The following CNBD1 variants were observed in gnomAD, a reference collection of about 807,000 sequenced individuals.
CNBD1 encodes the protein cyclic nucleotide-binding domain-containing protein 1.
A neutral mutation model predicts 54.4 loss-of-function variants in CNBD1; 71 were observed. The observed-to-expected ratio is 1.30, with a 90% CI of 1.08 to 1.59. The LOEUF (loss-of-function observed/expected upper bound fraction) is 1.59, where lower values mean the gene tolerates loss of function less well. CNBD1 is among the 40% of genes most tolerant of loss of function. The probability of loss-of-function intolerance (pLI) is 0.00; values close to 1 mark genes in which losing one functional copy is unlikely to be tolerated. For missense variants in CNBD1, 659 were observed against 518.0 expected, an observed-to-expected ratio of 1.27 and a Z score of -2.64; for synonymous variants, 182 against 170.7, an observed-to-expected ratio of 1.07 and a Z score of -0.51.
intron 9 of CNBD1, among the ~76,000 whole-genome samples, chr8:87,353,356 T>G (rs1486139605): frequency 6.6e-6 from 1 of 152,134 alleles, no homozygotes; most frequent in African/African-American, 2.4e-5. Context: ...ATCCTTGAAA[T>G]GTGGAATTAG....
At chr8:87,048,741 A>C (rs543255145) in intron 4 of CNBD1, among the ~76,000 whole-genome samples, 4 of 152,218 alleles carry the variant, frequency 2.6e-5, no homozygotes, top group Non-Finnish European at 5.9e-5. Context: ...TACTTTTGGC[A>C]CATGGGTGAA....
intron 6 of CNBD1, among the ~76,000 whole-genome samples, chr8:87,240,107 C>T (rs1251694485): frequency 2.0e-5 from 3 of 150,502 alleles, no homozygotes; most frequent in Admixed American, 6.6e-5. Context: ...CACACACAGA[C>T]ACAAACATGC....
chr8:87,173,974 A>G (rs997866818), intron 4 of CNBD1, among the ~76,000 whole-genome samples: 3 of 150,038 alleles, frequency 2.0e-5, no homozygotes, highest in Non-Finnish European at 1.5e-5. Flanking sequence ...TATTATTATT[A>G]TTTTTGATGG....
Position 87,210,300 on chromosome 8 carries a change from C to T in CNBD1, c.577+4162C>T, listed in dbSNP as rs1010364361. 2.6e-5 allele frequency among the ~76,000 whole-genome samples: 4 copies of T among 152,220 alleles called. No individual in the cohort carries two copies. In the East Asian group the frequency reaches 5.8e-4, roughly 22 times the overall value. ...GAGTTTTGAAAATTTGCAGCCTACC[C>T]ATATAACAGCAACAACAAGAACAAA... On this transcript the variant is annotated intron_variant, in intron 5 of 10. Transcript: ENST00000518476.
rs572323553 is a variant in CNBD1 at position 87,142,808 on chromosome 8, G to C, written c.432-63185G>C. On this transcript the variant is annotated intron_variant, in intron 4 of 10. Transcript: ENST00000518476. ...TTCTGGTGAACATTTTCACAATCTT[G>C]GCTGTTTGGCCAGTTTTTAACAAAC... Among the ~76,000 whole-genome samples, 12 of 152,170 alleles carry C rather than the reference G, an allele frequency of 7.9e-5. No individual in the cohort carries two copies. In the South Asian group the frequency reaches 2.5e-3, roughly 32 times the overall value.
intron 2 of CNBD1, among the ~76,000 whole-genome samples, chr8:87,416,492 C>T (rs144043468): frequency 6.6e-5 from 10 of 152,070 alleles, no homozygotes; most frequent in Middle Eastern, 3.4e-3. Flanking sequence ...TGAAAAACAA[C>T]GGCTCCAATC....
intron 8 of CNBD1, among the ~76,000 whole-genome samples, chr8:87,294,497 C>A (rs1808840036): frequency 6.6e-6 from 1 of 152,136 alleles, no homozygotes; most frequent in South Asian, 2.1e-4. Context: ...CACACATTTC[C>A]TGGATTTCTC....
intron 4 of CNBD1, among the ~76,000 whole-genome samples, chr8:87,171,928 C>T (rs956574815): frequency 4.6e-5 from 7 of 152,234 alleles, no homozygotes; most frequent in African/African-American, 1.7e-4. Flanking sequence ...TGAGCCACCG[C>T]GCCTGGGCTG....
chr8:87,145,724 C>T (rs1288035596), intron 4 of CNBD1, among the ~76,000 whole-genome samples: 2 of 152,096 alleles, frequency 1.3e-5, no homozygotes, highest in Non-Finnish European at 2.9e-5. Context: ...AAAATATTAA[C>T]ATATCTGCAA....
rs140640828 is a variant in CNBD1, at chr8:87,049,973, A to C, written c.431+110219A>C. 7.7e-3 allele frequency among the ~76,000 whole-genome samples: 1,168 copies of C among 152,308 alleles called. 16 individuals carry two copies. The highest frequency in any genetic ancestry group is 0.026 in the African/African-American group (1,095 of 41,570). On this transcript the variant is annotated intron_variant, in intron 4 of 10. Coordinates refer to ENST00000518476, the MANE Select transcript of CNBD1 (RefSeq NM_173538.3). ...CCTTGGGCCTGAGTTAAAACTCCCAAGGCTATTTCTTTCCTTCTGAGACAT... is the reference window on the plus strand; with the variant it reads ...CCTTGGGCCTGAGTTAAAACTCCCACGGCTATTTCTTTCCTTCTGAGACAT...
chr8:87,039,462 G>C (rs1222097313), intron 4 of CNBD1, among the ~76,000 whole-genome samples: 7 of 152,072 alleles, frequency 4.6e-5, no homozygotes, highest in South Asian at 2.1e-4. Flanking sequence ...TGGTTTTTTG[G>C]GGGGGTTGGA....
At chr8:87,356,442 C>T (rs942427422) in intron 10 of CNBD1, among the ~76,000 whole-genome samples, 1 of 152,156 alleles carries the variant, frequency 6.6e-6, no homozygotes, top group African/African-American at 2.4e-5. Flanking sequence ...AAAGTGTATC[C>T]TTGCTATGCC....
chr8:87,074,286 C>T (rs1810821307), intron 4 of CNBD1, among the ~76,000 whole-genome samples: 1 of 152,206 alleles, frequency 6.6e-6, no homozygotes, highest in East Asian at 1.9e-4. Flanking sequence ...AACATGGTCC[C>T]ATCTCAGGCA....
At chr8:87,269,895 C>A (rs1325993698) in intron 6 of CNBD1, among the ~76,000 whole-genome samples, 3 of 152,002 alleles carry the variant, frequency 2.0e-5, no homozygotes, top group East Asian at 1.9e-4. Flanking sequence ...GGAGGAGGAA[C>A]TTCCTGATTG....
intron 2 of CNBD1, among the ~76,000 whole-genome samples, chr8:87,420,900 C>T (rs975466380): frequency 3.3e-5 from 5 of 151,928 alleles, no homozygotes; most frequent in African/African-American, 1.2e-4. Flanking sequence ...GTATCTCCCT[C>T]ATAACATGTT....
At chr8:87,069,868 A>G (rs1029175874) in intron 4 of CNBD1, among the ~76,000 whole-genome samples, 1 of 152,076 alleles carries the variant, frequency 6.6e-6, no homozygotes, top group African/African-American at 2.4e-5. Flanking sequence ...TGTTCCAAAT[A>G]CCTTTGTTCA....
At chr8:87,030,241 T>C (rs1586209192) in intron 4 of CNBD1, among the ~76,000 whole-genome samples, 1 of 152,212 alleles carries the variant, frequency 6.6e-6, no homozygotes, top group East Asian at 1.9e-4. Flanking sequence ...TTGAATGAGA[T>C]ATAAAATACC....
At chr8:87,357,593 G>A (rs906223654) in intron 10 of CNBD1, among the ~76,000 whole-genome samples, 4 of 152,056 alleles carry the variant, frequency 2.6e-5, no homozygotes, top group African/African-American at 9.7e-5. Context: ...GATTTCTTTA[G>A]CACCACTGTA....
In CNBD1 at chr8:87,223,437, T is replaced by C. The variant is rs1280826709; in HGVS notation, c.578-13482T>C. Reference sequence around the variant, plus strand: ...TCCCAGAGTGTGGTGTTCCCCTTCCTGTGTCCATGTGATCTCATTGTTCAA... The same window carrying C: ...TCCCAGAGTGTGGTGTTCCCCTTCCCGTGTCCATGTGATCTCATTGTTCAA... On this transcript the variant is annotated intron_variant, in intron 5 of 10. Coordinates refer to ENST00000518476, the MANE Select transcript of CNBD1 (RefSeq NM_173538.3). Among the ~76,000 whole-genome samples, 4 of 144,692 alleles carry C rather than the reference T, an allele frequency of 2.8e-5. No homozygotes were observed. The East Asian group carries it at 6.4e-4, about 23-fold the overall frequency. 94.9% of individuals were successfully genotyped at this position (144,692 alleles called of 152,430 possible). A position where few individuals can be genotyped will look rare whatever the true frequency, so the allele number is the denominator to read the frequency against.
Sources: allele counts gnomAD v4.1 joint callset (sites outside exome capture counted in the v4.1 genomes callset), GRCh38; gene constraint gnomAD v4.1.1; transcripts MANE v1.5; gene names NCBI Gene and HGNC (gene_info 2026-07-23, HGNC 2026-07-21).